The following C11orf65 variants were observed in gnomAD, a reference collection of about 807,000 sequenced individuals.
The protein encoded by C11orf65 is chromosome 11 open reading frame 65, also known as protein MFI.
Under a neutral mutation model 35.3 loss-of-function variants are expected in C11orf65, and 38 were observed. The ratio of observed to expected loss-of-function variants is 1.08; its 90% CI spans 0.83 to 1.41. C11orf65 has a LOEUF of 1.41. C11orf65 is among the 40% of genes most tolerant of loss of function. The pLI, the probability that C11orf65 is intolerant of heterozygous loss-of-function variation, is 0.00. For synonymous variants in C11orf65, 105 were observed against 114.4 expected, an observed-to-expected ratio of 0.92 and a Z score of 0.53; for missense variants, 370 against 367.1, an observed-to-expected ratio of 1.01 and a Z score of -0.06.
rs1207215818 is a variant in C11orf65, at chr11:108,312,446, C to G, written c.641-3375G>C. 6.3e-7 allele frequency: 1 copy of G among 1,595,734 alleles called. No individual in the cohort carries two copies. Among genetic ancestry groups the G allele is most frequent in the East Asian group, 2.2e-5 (1 of 44,642 alleles). Reference sequence around the variant, plus strand: ...TTTGAAGAAGGAAGCCAGAGTACAACTATTTCTAGCTTGAGTGAAAAAAGT... The same window carrying G: ...TTTGAAGAAGGAAGCCAGAGTACAAGTATTTCTAGCTTGAGTGAAAAAAGT... On this transcript the variant is annotated intron_variant, in intron 6 of 6. Coordinates refer to the C11orf65 transcript ENST00000525729.
At chr11:108,392,506 C>A (rs1407829066) in intron 7 of C11orf65, among the ~76,000 whole-genome samples, 2 of 152,056 alleles carry the variant, frequency 1.3e-5, no homozygotes, top group Non-Finnish European at 1.5e-5. Flanking sequence ...ATGTATTTCC[C>A]CTTCTCTTGG....
chr11:108,447,214 G>A (rs577493449), intron 2 of C11orf65, among the ~76,000 whole-genome samples: 1 of 151,994 alleles, frequency 6.6e-6, no homozygotes, highest in African/African-American at 2.4e-5. Flanking sequence ...GTCAACATTA[G>A]ACAGATCAAC....
In C11orf65 at chr11:108,320,006, T is replaced by C. The variant is rs758446561; in HGVS notation, c.641-10935A>G. On this transcript the variant is annotated intron_variant, in intron 6 of 6. Transcript: ENST00000525729. The stretch of plus-strand genomic sequence containing the variant: ...TGAATCATTGTACAATGCTCTACAA[T>C]CTCTAAGAGACAGAGAATTCTCTAC... The C allele has an allele frequency of 1.4e-5, 22 of 1,612,492 alleles. No homozygotes were observed. In the South Asian group the frequency reaches 2.3e-4, roughly 17 times the overall value.
At chr11:108,445,416 G>T (rs974322302) in intron 2 of C11orf65, among the ~76,000 whole-genome samples, 1 of 152,096 alleles carries the variant, frequency 6.6e-6, no homozygotes, top group Admixed American at 6.6e-5. Context: ...ACTTCCAGAG[G>T]AACGATCAGG....
chr11:108,333,801 C>T, intron 3 of C11orf65: 1 of 1,054,718 alleles, frequency 9.5e-7, no homozygotes, highest in Non-Finnish European at 1.5e-6. Context: ...CAAGTTGGGG[C>T]CAGTGGTATC....
chr11:108,375,286 C>A (rs2091691771), intron 2 of C11orf65, among the ~76,000 whole-genome samples: 1 of 151,610 alleles, frequency 6.6e-6, no homozygotes, highest in Non-Finnish European at 1.5e-5. Context: ...AACAGCGGAT[C>A]TTGGCAGAAA....
chr11:108,373,916 C>G (rs1452858245), intron 2 of C11orf65, among the ~76,000 whole-genome samples: 1 of 152,220 alleles, frequency 6.6e-6, no homozygotes, highest in Non-Finnish European at 1.5e-5. Context: ...CGGAGTCTTG[C>G]TGATTGCTAG....
At chr11:108,376,503 A>C (rs937064704) in intron 2 of C11orf65, among the ~76,000 whole-genome samples, 2 of 152,192 alleles carry the variant, frequency 1.3e-5, no homozygotes, top group African/African-American at 4.8e-5. Context: ...AATTTATAGC[A>C]CTAAATGCCC....
At chr11:108,325,598 T>A (rs2085593359) in intron 6 of C11orf65, 2 of 1,435,388 alleles carry the variant, frequency 1.4e-6, no homozygotes, top group East Asian at 4.6e-5. Context: ...CTTTTATTAT[T>A]TAAAAAACAG....
chr11:108,367,844 T>TA (rs1163284087), intron 2 of C11orf65: 1 of 207,568 alleles, frequency 4.8e-6, no homozygotes, highest in Admixed American at 5.9e-5. Context: ...ATCTTTTTCT[T>TA]ACAAGCTGCC....
chr11:108,368,860 G>A (rs1458241893), intron 2 of C11orf65: 1 of 200,558 alleles, frequency 5.0e-6, no homozygotes, highest in African/African-American at 2.3e-5. Context: ...ATTTAAATAT[G>A]GTCTAAAGCA....
Position 108,394,023 on chromosome 11 carries a change from T to C in C11orf65, c.561-645A>G, listed in dbSNP as rs558042164. 4.6e-5 allele frequency among the ~76,000 whole-genome samples: 7 copies of C among 151,656 alleles called. No homozygotes were observed. In the South Asian group the frequency reaches 1.5e-3, roughly 32 times the overall value. On this transcript the variant is annotated intron_variant, in intron 6 of 8. Transcript: ENST00000393084. ...GGTGAAACCCTGTCTCTACTAAAAA[T>C]ACAAAAATTAGCTGGGCATGGTGGC...
chr11:108,464,384 C>T (rs1418070453), intron 1 of C11orf65, among the ~76,000 whole-genome samples: 1 of 152,056 alleles, frequency 6.6e-6, no homozygotes, highest in Non-Finnish European at 1.5e-5. Flanking sequence ...GCAACCTCCG[C>T]CTCCTGGGTT....
chr11:108,319,535 G>A (rs184148433), intron 6 of C11orf65, among the ~76,000 whole-genome samples: 15 of 152,190 alleles, frequency 9.9e-5, no homozygotes, highest in African/African-American at 3.6e-4. Context: ...TAGCCATTTT[G>A]TTTTGTTACC....
Position 108,332,905 on chromosome 11 carries a change from G to A in C11orf65, c.300-1338C>T, listed in dbSNP as rs1299306446. 1.2e-6 allele frequency: 2 copies of A among 1,610,412 alleles called. No individual in the cohort carries two copies. The highest frequency in any genetic ancestry group is 1.7e-6 in the Non-Finnish European group (2 of 1,178,908). ...CTCAGTGGAAGACTCAGAGAAGTAT[G>A]TTTTTTTTAAAGAAGAAACGTTACT... is the stretch of plus-strand genomic sequence containing the variant. On this transcript the variant is annotated intron_variant, in intron 3 of 3. Transcript: ENST00000524755.
intron 2 of C11orf65, among the ~76,000 whole-genome samples, chr11:108,340,768 A>G (rs367647342): frequency 2.0e-5 from 3 of 152,318 alleles, no homozygotes; most frequent in East Asian, 3.9e-4. Flanking sequence ...CAAGTCCCTT[A>G]TATACAGTGG....
chr11:108,373,571 C>A (rs573000942), intron 2 of C11orf65, among the ~76,000 whole-genome samples: 4 of 152,204 alleles, frequency 2.6e-5, no homozygotes, highest in Admixed American at 6.5e-5. Flanking sequence ...GGAACAGCTC[C>A]GGTCTACAGC....
chr11:108,317,648 T>TACACAC (rs1453200885), intron 6 of C11orf65: 4 of 132,978 alleles, frequency 3.0e-5, no homozygotes, highest in African/African-American at 1.7e-4. Flanking sequence ...TATATATATA[T>TACACAC]ATATACACAC....
intron 2 of C11orf65, among the ~76,000 whole-genome samples, chr11:108,447,773 A>G (rs2093285216): frequency 1.3e-5 from 2 of 152,334 alleles, no homozygotes; most frequent in Non-Finnish European, 2.9e-5. Flanking sequence ...AAGGCAAGAA[A>G]TAACTAAAAT....
Sources: gnomAD v4.1 joint callset for allele counts (sites outside exome capture counted in the v4.1 genomes callset) on GRCh38, gnomAD v4.1.1 for gene constraint, MANE v1.5 for transcripts, NCBI Gene and HGNC (gene_info 2026-07-23, HGNC 2026-07-21) for gene names.